The following SMG1 variants were observed in gnomAD, a reference collection of about 807,000 sequenced individuals.
SMG1 encodes the protein serine/threonine-protein kinase SMG1.
In SMG1, 22 loss-of-function variants were observed where a neutral mutation model predicts 419.9. The ratio of observed to expected loss-of-function variants is 0.05; its 90% CI spans 0.04 to 0.07. The LOEUF is 0.07. Ranked by LOEUF, SMG1 falls within the 10% of genes least tolerant of loss-of-function variation. The probability of loss-of-function intolerance (pLI) is 1.00; values close to 1 mark genes in which losing one functional copy is unlikely to be tolerated. For missense variants in SMG1, 3,185 were observed against 4,342.0 expected (o/e 0.73, Z 7.49); for synonymous variants, 1,538 against 1,553.5 (o/e 0.99, Z 0.23).
At chr16:18,857,299 T>C (rs1200173555) in intron 29 of SMG1, 1 of 152,216 alleles carries the variant, frequency 6.6e-6, no homozygotes, top group Non-Finnish European at 1.5e-5. Context: ...ATAAAGTAAA[T>C]TGTTAGCATC....
At chr16:18,837,680 T>A (rs1241718188) in intron 45 of SMG1, among the ~76,000 whole-genome samples, 1 of 152,192 alleles carries the variant, frequency 6.6e-6, no homozygotes, top group Non-Finnish European at 1.5e-5. Context: ...AGAACAAGAC[T>A]GGCATCCCTG....
At chr16:18,891,229 C>T (rs1469796609) in intron 4 of SMG1, among the ~76,000 whole-genome samples, 2 of 152,090 alleles carry the variant, frequency 1.3e-5, no homozygotes, top group Non-Finnish European at 2.9e-5. Context: ...GATGGAGAGA[C>T]ATGTGACAAG....
chr16:18,851,401 A>G (rs545717548), intron 33 of SMG1, among the ~76,000 whole-genome samples: 150 of 150,504 alleles, frequency 1.0e-3, no homozygotes, highest in African/African-American at 3.6e-3. Context: ...ATACACACAC[A>G]CACACACGCG....
In SMG1 at chr16:18,841,797, A is replaced by G; in HGVS notation, c.6467-3T>C. On this transcript the variant is annotated splice_polypyrimidine_tract_variant and splice_region_variant and intron_variant, in intron 40 of 62. Coordinates refer to ENST00000446231, the MANE Select transcript of SMG1 (RefSeq NM_015092.5). ...ATCCAGATGTAAATCCTCCAGTCCT[A>G]TGAAAACAAAATTAAAATAGCTAGG... The G allele has an allele frequency of 6.2e-7, 1 of 1,612,400 alleles. No individual in the cohort carries two copies. The highest frequency in any genetic ancestry group is 8.5e-7 in the Non-Finnish European group (1 of 1,178,418).
intron 29 of SMG1, chr16:18,856,749 C>G (rs2034935476): frequency 1.3e-5 from 2 of 151,918 alleles, no homozygotes; most frequent in Admixed American, 1.3e-4. Context: ...CCTTGATCAC[C>G]ATTATATCAC....
Position 18,896,140 on chromosome 16 carries a change from C to T in SMG1, c.324G>A (p.Leu108=), listed in dbSNP as rs1354680386. The change falls in exon 3 of 63, where the codon CTG becomes CTA. Residue 108 remains leucine (L), a synonymous_variant. Coordinates refer to ENST00000446231, the MANE Select transcript of SMG1 (RefSeq NM_015092.5). ...CAGGGCTGGTCACATTGTTAACCCT[C>T]AGCTCTTGCCCCAACGACTTCCGAC... The part of the protein sequence containing the change: ...TYGRKSLGQE[L]RVNNVTSPEF... 6.3e-6 allele frequency: 10 copies of T among 1,581,144 alleles called. No individual in the cohort carries two copies. The highest frequency in any genetic ancestry group is 7.8e-6 in the Non-Finnish European group (9 of 1,151,802).
chr16:18,855,832 A>C (rs377414514), intron 29 of SMG1, among the ~76,000 whole-genome samples: 2 of 152,172 alleles, frequency 1.3e-5, no homozygotes, highest in Non-Finnish European at 2.9e-5. Flanking sequence ...ACAAGGGTAA[A>C]TCTGAACATT....
At chr16:18,828,979 G>A (rs2032963422) in intron 54 of SMG1, among the ~76,000 whole-genome samples, 1 of 145,294 alleles carries the variant, frequency 6.9e-6, no homozygotes, top group South Asian at 2.2e-4. Flanking sequence ...GTCTGGGCAA[G>A]AAGAGCAAAA....
In SMG1 at chr16:18,812,038, C is replaced by G. The variant is rs2031457471; in HGVS notation, c.10711G>C (p.Ala3571Pro). Reference sequence around the variant, plus strand: ...GGAACGGTGCTTGGTGGAGTATCAGCTGATGTAGCAAGATTTTTTTGGATC... The same window carrying G: ...GGAACGGTGCTTGGTGGAGTATCAGGTGATGTAGCAAGATTTTTTTGGATC... ...KLIQKNLATS[A>P]DTPPSTVPGT... Residue 3571 changes from alanine to proline, a missense_variant, in exon 61 of 63, where the codon GCT becomes CCT. By Grantham distance (27) the Ala-to-Pro change is conservative. Transcript: ENST00000446231. 1 of 1,613,880 alleles carries G rather than the reference C, an allele frequency of 6.2e-7. No homozygotes were observed. Among genetic ancestry groups the G allele is most frequent in the South Asian group, 1.1e-5 (1 of 91,080 alleles).
At chr16:18,920,319 T>G (rs1223345610) in intron 1 of SMG1, among the ~76,000 whole-genome samples, 5 of 147,666 alleles carry the variant, frequency 3.4e-5, no homozygotes, top group African/African-American at 1.3e-4. Context: ...GAGGTGGAGG[T>G]TGCAGTGAGC....
intron 51 of SMG1, among the ~76,000 whole-genome samples, chr16:18,830,686 A>G (rs2033114238): frequency 6.6e-6 from 1 of 152,178 alleles, no homozygotes; most frequent in Admixed American, 6.5e-5. Context: ...GCTACTCAGG[A>G]GGCTGAGGCT....
Position 18,834,240 on chromosome 16 carries a change from T to G in SMG1, c.8529A>C (p.Thr2843=). The G allele has an allele frequency of 6.2e-7, 1 of 1,606,080 alleles. No homozygotes were observed. Among genetic ancestry groups the G allele is most frequent in the African/African-American group, 1.3e-5 (1 of 74,916 alleles). Reference sequence around the variant, plus strand: ...TATACACTCCATTGGCTAAGTGAACTGTCTCAGACGCTTCCATGGGGTTCG... The same window carrying G: ...TATACACTCCATTGGCTAAGTGAACGGTCTCAGACGCTTCCATGGGGTTCG... ...DIPNPMEASE[T]VHLANGVYTS... The change falls in exon 50 of 63, where the codon ACA becomes ACC. Residue 2843 remains threonine (T), a synonymous_variant. Coordinates refer to ENST00000446231, the MANE Select transcript of SMG1 (RefSeq NM_015092.5).
intron 42 of SMG1, among the ~76,000 whole-genome samples, chr16:18,838,899 T>C (rs1254744981): frequency 6.6e-6 from 1 of 152,242 alleles, no homozygotes; most frequent in African/African-American, 2.4e-5. Context: ...GTTAATCAGC[T>C]ATCAGGATGC....
Position 18,808,286 on chromosome 16 carries a change from C to A in SMG1, c.*1283G>T, listed in dbSNP as rs550441127. ...AGTAAAGCACTTCACAGACTAATAA[C>A]TGAACTTAATAAAAGATGTTGGTGG... On this transcript the variant is annotated 3_prime_UTR_variant, in exon 63 of 63. Coordinates refer to ENST00000446231, the MANE Select transcript of SMG1 (RefSeq NM_015092.5). 2.0e-5 allele frequency: 3 copies of A among 152,176 alleles called. No homozygotes were observed. Among genetic ancestry groups the A allele is most frequent in the Non-Finnish European group, 4.4e-5 (3 of 68,022 alleles). 9.4% of individuals were successfully genotyped at this position (152,176 alleles called of 1,614,324 possible). A position where few individuals can be genotyped will look rare whatever the true frequency, so the allele number is the denominator to read the frequency against.
chr16:18,818,380 C>T lies in SMG1; in HGVS notation c.9895-910G>A, dbSNP rs148999760. 3.0e-3 allele frequency among the ~76,000 whole-genome samples: 462 copies of T among 151,658 alleles called. 3 individuals are homozygous for T. Among genetic ancestry groups the T allele is most frequent in the Middle Eastern group, 0.014 (4 of 294 alleles). ...AGCCTGGGCAACAAGAGCAAAACTCCGTCTCAAAAAAAACAAAAAAAATTT... is the reference window on the plus strand; with the variant it reads ...AGCCTGGGCAACAAGAGCAAAACTCTGTCTCAAAAAAAACAAAAAAAATTT... On this transcript the variant is annotated intron_variant, in intron 56 of 62. Transcript: ENST00000446231.
chr16:18,916,768 T>C lies in SMG1; in HGVS notation c.92+9182A>G, dbSNP rs150288469. Among the ~76,000 whole-genome samples, 537 of 152,176 alleles carry C rather than the reference T, an allele frequency of 3.5e-3. 2 individuals carry two copies. Among genetic ancestry groups the C allele is most frequent in the African/African-American group, 0.011 (456 of 41,550 alleles). On this transcript the variant is annotated intron_variant, in intron 1 of 62. Transcript: ENST00000446231. ...AAATGGGCTCTGAAAAACTTCAAGA[T>C]AGTCAAAGACAGGTAACCAAAATAA...
chr16:18,833,258 TTATGTAAC>T, intron 50 of SMG1, 92 bp from the exon 51 acceptor site: 3 of 837,330 alleles, frequency 3.6e-6, no homozygotes, highest in Non-Finnish European at 5.6e-6. Flanking sequence ...AAGAGCAAAC[TTATGTAAC>T]TATGCCATCA....
chr16:18,806,436 G>C lies in SMG1; in HGVS notation c.*3133C>G, dbSNP rs551067804. On this transcript the variant is annotated 3_prime_UTR_variant, in exon 63 of 63. Transcript: ENST00000446231. ...ATGGAAATCTCAACAGATTTCAAAA[G>C]CAACTCACCACAAGTGTCAGACACA... is the stretch of plus-strand genomic sequence containing the variant. 1 of 152,610 alleles carries C rather than the reference G, an allele frequency of 6.6e-6. No homozygotes were observed. Among genetic ancestry groups the C allele is most frequent in the East Asian group, 1.9e-4 (1 of 5,174 alleles). 9.5% of individuals were successfully genotyped at this position (152,610 alleles called of 1,614,324 possible).
chr16:18,884,676 CA>C (rs2036544293), intron 8 of SMG1: 2 of 174,964 alleles, frequency 1.1e-5, no homozygotes, highest in East Asian at 1.7e-4. Flanking sequence ...ACTTAAACTC[CA>C]AAAAAATGGG....
Sources: allele counts gnomAD v4.1 joint callset (sites outside exome capture counted in the v4.1 genomes callset), GRCh38; gene constraint gnomAD v4.1.1; transcripts MANE v1.5; gene names NCBI Gene and HGNC (gene_info 2026-07-23, HGNC 2026-07-21).